Variants in SART1 observed in about 807,000 individuals in gnomAD.
SART1 encodes the protein U4/U6.U5 tri-snRNP-associated protein 1.
SART1 carries 28 observed loss-of-function variants against 105.0 expected under a neutral mutation model. The ratio of observed to expected loss-of-function variants is 0.27; its 90% CI spans 0.20 to 0.37. The LOEUF is 0.37. Ranked by LOEUF, SART1 falls within the 10% of genes least tolerant of loss-of-function variation. The pLI is 1.00. For missense variants in SART1, 894 were observed against 1,106.5 expected (o/e 0.81, Z 2.72); for synonymous variants, 472 against 462.9 (o/e 1.02, Z -0.25).
At position 65,962,103 on chromosome 11, in the gene SART1, C is replaced by CG. The variant is rs1354767546; in HGVS notation, c.313+14dup. 2 of 102,256 alleles carry CG rather than the reference C, an allele frequency of 2.0e-5. No individual in the cohort carries two copies. Among genetic ancestry groups the CG allele is most frequent in the Non-Finnish European group, 2.6e-5 (2 of 76,146 alleles). The allele number at this position is 102,256 out of a possible 1,614,324, so 6.3% of individuals were successfully genotyped here. ...GACGGCTACGAGGCCGGTGAGGAGG[C>CG]GGGGCCTGCGCAGGGGGCGGGTCGG... On this transcript the variant is annotated intron_variant, in intron 1 of 19. Coordinates refer to ENST00000312397, the MANE Select transcript of SART1 (RefSeq NM_005146.5).
Position 65,978,059 on chromosome 11 carries a change from G to A in SART1, c.2172+160G>A. The stretch of plus-strand genomic sequence containing the variant: ...CCACGGATGGGGAGGGGGCCCTCAG[G>A]GCTGAGGAAGGCTGTGCCTCAGTTT... On this transcript the variant is annotated intron_variant, in intron 17 of 19. Coordinates refer to ENST00000312397, the MANE Select transcript of SART1 (RefSeq NM_005146.5). The surrounding 1 kb of genome is among the most constrained non-coding windows in gnomAD (Gnocchi z 6.8). 1 of 710,584 alleles carries A rather than the reference G, an allele frequency of 1.4e-6. No individual in the cohort carries two copies. Among genetic ancestry groups the A allele is most frequent in the East Asian group, 2.7e-5 (1 of 36,774 alleles). 44.0% of individuals were successfully genotyped at this position (710,584 alleles called of 1,614,324 possible). A position where few individuals can be genotyped will look rare whatever the true frequency, so the allele number is the denominator to read the frequency against.
At position 65,979,193 on chromosome 11, in the gene SART1, CAA is replaced by C; in HGVS notation, c.*165_*166del. The C allele has an allele frequency of 1.2e-6, 1 of 853,482 alleles. No individual in the cohort carries two copies. The highest frequency in any genetic ancestry group is 2.3e-5 in the Admixed American group (1 of 42,960). The allele number at this position is 853,482 out of a possible 1,614,324, so 52.9% of individuals were successfully genotyped here. On this transcript the variant is annotated 3_prime_UTR_variant, in exon 20 of 20. Coordinates refer to ENST00000312397, the MANE Select transcript of SART1 (RefSeq NM_005146.5). ...GGTGAGACCTGGCCATCAAATGACA[CAA>C]ACAACTAAACGATGGAAGAGAGAGC... is the stretch of plus-strand genomic sequence containing the variant.
chr11:65,964,004 A>C lies in SART1; in HGVS notation c.314-70A>C, dbSNP rs1169322469. On this transcript the variant is annotated intron_variant, in intron 1 of 19. Transcript: ENST00000312397. ...GAGGGGCCCTCATTTTTGTTCCTGC[A>C]GCTGGAGCCAACGATGCTGGCTTCT... The C allele has an allele frequency of 2.1e-6, 3 of 1,426,094 alleles. No individual in the cohort carries two copies. In the South Asian group the frequency reaches 3.6e-5, roughly 17 times the overall value. The allele number at this position is 1,426,094 out of a possible 1,614,324, so 88.3% of individuals were successfully genotyped here. A position where few individuals can be genotyped will look rare whatever the true frequency, so the allele number is the denominator to read the frequency against.
intron 12 of SART1, among the ~76,000 whole-genome samples, chr11:65,968,429 G>T (rs1179502764): frequency 1.3e-5 from 2 of 152,206 alleles, no homozygotes; most frequent in Non-Finnish European, 2.9e-5. Flanking sequence ...GGCTCATGGA[G>T]CTGGCTTTCT....
At chr11:65,970,341 T>C (rs1398550628) in intron 12 of SART1, among the ~76,000 whole-genome samples, 1 of 152,152 alleles carries the variant, frequency 6.6e-6, no homozygotes, top group Non-Finnish European at 1.5e-5. Context: ...AAAATGTCTT[T>C]TTAGTTTTTT....
At chr11:65,964,052 G>T in intron 1 of SART1, 22 bp from the exon 2 acceptor site, 1 of 1,608,506 alleles carries the variant, frequency 6.2e-7, no homozygotes. Flanking sequence ...CAGCTCCTGA[G>T]CCATGCTTCT....
In SART1 at chr11:65,978,577, C is replaced by A; in HGVS notation, c.2173-23C>A. ...CGGCCCCACCCAGGGCCCTGCATCT[C>A]CTCTCATGCCCCGCGTCCCCAGGCT... is the stretch of plus-strand genomic sequence containing the variant. On this transcript the variant is annotated intron_variant, in intron 17 of 19. Coordinates refer to ENST00000312397, the MANE Select transcript of SART1 (RefSeq NM_005146.5). This position sits in a 1 kb window ranked among gnomAD's most constrained non-coding sequence, Gnocchi z 6.8. 2.6e-6 allele frequency: 4 copies of A among 1,551,560 alleles called. No individual in the cohort carries two copies. The highest frequency in any genetic ancestry group is 2.6e-6 in the Non-Finnish European group (3 of 1,147,416).
chr11:65,968,408 A>T (rs556402703), intron 12 of SART1, among the ~76,000 whole-genome samples: 18 of 152,270 alleles, frequency 1.2e-4, no homozygotes, highest in Non-Finnish European at 2.5e-4. Flanking sequence ...CAGGATAGCC[A>T]TGGGGCCCTG....
At position 65,976,638 on chromosome 11, in the gene SART1, T is replaced by C; in HGVS notation, c.1747-18T>C. On this transcript the variant is annotated intron_variant, in intron 13 of 19. Coordinates refer to ENST00000312397, the MANE Select transcript of SART1 (RefSeq NM_005146.5). This position sits in a 1 kb window ranked among gnomAD's most constrained non-coding sequence, Gnocchi z 5.1. ...GGCTGGCTGGGGCCTGGGCCGACCCTGGTCTTTTGTGCCCCAGGACTTTGA... is the reference window on the plus strand; with the variant it reads ...GGCTGGCTGGGGCCTGGGCCGACCCCGGTCTTTTGTGCCCCAGGACTTTGA... 6.2e-7 allele frequency: 1 copy of C among 1,613,456 alleles called. No homozygotes were observed. Among genetic ancestry groups the C allele is most frequent in the Non-Finnish European group, 8.5e-7 (1 of 1,179,802 alleles).
chr11:65,962,130 C>CG, intron 1 of SART1, 37 bp downstream of exon 1: 4 of 111,092 alleles, frequency 3.6e-5, no homozygotes, highest in South Asian at 1.0e-4. Flanking sequence ...GCGGGTCGGG[C>CG]GGGGGTCCCG....
chr11:65,964,443 T>G (rs929455823), intron 2 of SART1, 72 bp from the exon 3 acceptor site: 16 of 1,565,038 alleles, frequency 1.0e-5, no homozygotes, highest in Non-Finnish European at 4.4e-6. Context: ...GTTTCTCCTC[T>G]TGTCTGTCTG....
chr11:65,967,782 G>C lies in SART1; in HGVS notation c.1533G>C (p.Gln511His), dbSNP rs762165130. Residue 511 changes from glutamine to histidine, a missense_variant, in exon 12 of 20, where the codon CAG (glutamine) becomes CAC (histidine). Gln to His is a conservative substitution (Grantham distance 24, BLOSUM62 0). This residue lies in a region of SART1 where 712 missense variants were observed against 778.2 expected (regional missense o/e 0.91). Transcript: ENST00000312397. ...KQLEKGRRLR[Q>H]LQQLQQLRDS... ...TGGAGAAGGGACGCCGGCTGCGACA[G>C]TTACAGCAGCTACAGCAGCTGCGAG... 12 of 1,549,132 alleles carry C rather than the reference G, an allele frequency of 7.7e-6. No individual in the cohort carries two copies. Among genetic ancestry groups the C allele is most frequent in the South Asian group, 1.2e-5 (1 of 83,966 alleles).
Position 65,966,433 on chromosome 11 carries a change from C to T in SART1, c.1065C>T (p.Gly355=), listed in dbSNP as rs1362537526. 10 of 1,613,714 alleles carry T rather than the reference C, an allele frequency of 6.2e-6. No homozygotes were observed. The highest frequency in any genetic ancestry group is 8.5e-6 in the Non-Finnish European group (10 of 1,179,952). ...RPHSFRLEQG[G]TADGLREREL... ...ATTCCTTCCGCTTGGAGCAGGGCGG[C>T]ACGGCTGATGGCCTGCGGGAGCGGG... The change falls in exon 9 of 20, where the codon GGC becomes GGT. Residue 355 remains glycine, a synonymous_variant. Transcript: ENST00000312397.
rs762646951 is a variant in SART1, at chr11:65,965,376, C to T, written c.589C>T (p.Leu197=). 20 of 1,586,322 alleles carry T rather than the reference C, an allele frequency of 1.3e-5. No individual in the cohort carries two copies. The Middle Eastern group carries it at 6.6e-4, about 53-fold the overall frequency. ...IKTLGEDDPW[L]DDTAAWIERS... The stretch of plus-strand genomic sequence containing the variant: ...GACCCTAGGAGAGGATGACCCCTGG[C>T]TGGACGACACTGCAGCCTGGATCGA... Residue 197 remains leucine (L), a synonymous_variant, in exon 5 of 20, where the codon CTG becomes TTG. Coordinates refer to ENST00000312397, the MANE Select transcript of SART1 (RefSeq NM_005146.5).
intron 12 of SART1, among the ~76,000 whole-genome samples, chr11:65,975,754 T>C (rs894133375): frequency 4.6e-5 from 7 of 152,140 alleles, no homozygotes; most frequent in African/African-American, 1.7e-4. Flanking sequence ...GTGAGGACTT[T>C]GCTGTCTGGG....
Position 65,976,127 on chromosome 11 carries a change from G to A in SART1, c.1573-268G>A, listed in dbSNP as rs1359306038. Among the ~76,000 whole-genome samples the A allele has an allele frequency of 2.0e-5, 3 of 152,112 alleles. No individual in the cohort carries two copies. Among genetic ancestry groups the A allele is most frequent in the Non-Finnish European group, 2.9e-5 (2 of 68,020 alleles). On this transcript the variant is annotated intron_variant, in intron 12 of 19. Coordinates refer to ENST00000312397, the MANE Select transcript of SART1 (RefSeq NM_005146.5). The surrounding 1 kb of genome is among the most constrained non-coding windows in gnomAD (Gnocchi z 5.1). ...GTAGTGTGTGAGGGGCTTTGGAGGG[G>A]GATTGGCACAGGCCTGGTCAGGAAG... is the stretch of plus-strand genomic sequence containing the variant.
chr11:65,979,139 G>A lies in SART1; in HGVS notation c.*109G>A, dbSNP rs546979464. Reference sequence around the variant, plus strand: ...AGATTCCAGGGTTGGATCTTTGGTTGGGTGTGGCACAGAGTCTGGCTCCTG... The same window carrying A: ...AGATTCCAGGGTTGGATCTTTGGTTAGGTGTGGCACAGAGTCTGGCTCCTG... On this transcript the variant is annotated 3_prime_UTR_variant, in exon 20 of 20. Transcript: ENST00000312397. 16 of 1,432,918 alleles carry A rather than the reference G, an allele frequency of 1.1e-5. No homozygotes were observed. In the East Asian group the frequency reaches 3.1e-4, roughly 28 times the overall value. The allele number at this position is 1,432,918 out of a possible 1,614,324, so 88.8% of individuals were successfully genotyped here.
chr11:65,963,680 C>A (rs1158672820), intron 1 of SART1, among the ~76,000 whole-genome samples: 1 of 152,112 alleles, frequency 6.6e-6, no homozygotes, highest in Non-Finnish European at 1.5e-5. Context: ...CGGGGTTTCA[C>A]CATCTTGGCC....
chr11:65,976,893 T>C lies in SART1; in HGVS notation c.1858-121T>C, dbSNP rs923755800. On this transcript the variant is annotated intron_variant, in intron 14 of 19. Coordinates refer to ENST00000312397, the MANE Select transcript of SART1 (RefSeq NM_005146.5). This position sits in a 1 kb window ranked among gnomAD's most constrained non-coding sequence, Gnocchi z 5.1. ...GCTCTGCAGACCTCCCAGGGCGATC[T>C]GAGGAGTAAATGAGGAAATTAAATG... 7 of 1,120,026 alleles carry C rather than the reference T, an allele frequency of 6.2e-6. No individual in the cohort carries two copies. The African/African-American group carries it at 1.1e-4, about 17-fold the overall frequency. The allele number at this position is 1,120,026 out of a possible 1,614,324, so 69.4% of individuals were successfully genotyped here. A position where few individuals can be genotyped will look rare whatever the true frequency, so the allele number is the denominator to read the frequency against.
Sources: allele counts gnomAD v4.1 joint callset (sites outside exome capture counted in the v4.1 genomes callset), GRCh38; gene constraint gnomAD v4.1.1; regional missense constraint gnomAD v4.1.1; non-coding constraint Gnocchi (gnomAD v3.1); transcripts MANE v1.5; gene names NCBI Gene and HGNC (gene_info 2026-07-23, HGNC 2026-07-21).